The following HCFC1 variants were observed in gnomAD, a reference collection of about 807,000 sequenced individuals.
HCFC1 encodes host cell factor 1.
In HCFC1, 7 loss-of-function variants were observed where a neutral mutation model predicts 105.5. That is an observed-to-expected ratio of 0.07 (90% CI 0.04 to 0.12). The LOEUF is 0.12. Among genes scored for constraint, HCFC1 ranks in the 10% least tolerant of loss-of-function variants. The pLI is 1.00. For synonymous variants in HCFC1, 918 were observed against 828.1 expected (o/e 1.11, Z -1.86); for missense variants, 1,065 against 1,823.6 (o/e 0.58, Z 7.58).
chrX:153,963,896 C>T (rs2065452081), intron 3 of HCFC1, among the ~76,000 whole-genome samples: 1 of 111,909 alleles, frequency 8.9e-6, no homozygotes, highest in African/African-American at 3.2e-5. Flanking sequence ...TGGCTTCCAC[C>T]TCCAGCTTGG....
At chrX:153,958,983 G>A (rs1217796680) in intron 9 of HCFC1, among the ~76,000 whole-genome samples, 1 of 112,889 alleles carries the variant, frequency 8.9e-6, no homozygotes, top group African/African-American at 3.2e-5. Context: ...GTGGCAAGAG[G>A]CAGCTGGGAG....
chrX:153,951,513 G>C (rs782674465), intron 21 of HCFC1, 26 bp from the exon 22 acceptor site: 1 of 1,210,935 alleles, frequency 8.3e-7, no homozygotes, highest in Non-Finnish European at 1.1e-6. Context: ...GGTGCGACGA[G>C]ATCAGGCCCT....
chrX:153,958,863 C>T, intron 9 of HCFC1, 97 bp from the exon 10 acceptor site: 1 of 627,237 alleles, frequency 1.6e-6, no homozygotes, highest in Non-Finnish European at 2.3e-6. Context: ...CTGCCCTGCT[C>T]TTGGGAGCCT....
chrX:153,963,274 G>A lies in HCFC1; in HGVS notation c.663C>T (p.Tyr221=), dbSNP rs782109002. 5.0e-6 allele frequency: 6 copies of A among 1,209,485 alleles called. No individual in the cohort carries two copies. Among genetic ancestry groups the A allele is most frequent in the South Asian group, 1.8e-5 (1 of 56,811 alleles). ...CCAGCCTGCAGCCACTCATCCCGCC[G>A]TAGATCACCAGCTTGGACTTCTTAT... The part of the protein sequence containing the change: ...KDNKKSKLVI[Y]GGMSGCRLGD... The change falls in exon 4 of 26, where the codon TAC becomes TAT. Residue 221 remains tyrosine, a synonymous_variant. Coordinates refer to ENST00000310441, the MANE Select transcript of HCFC1 (RefSeq NM_005334.3).
chrX:153,950,151 G>A, intron 24 of HCFC1, 92 bp downstream of exon 24: 1 of 949,763 alleles, frequency 1.1e-6, no homozygotes, highest in Non-Finnish European at 1.4e-6. Flanking sequence ...CGCCGCACAT[G>A]GGAAAAAATC....
chrX:153,949,111 A>C lies in HCFC1; in HGVS notation c.*236T>G. ...GTGGGCGGCAGCGGGGAGGAAAGGA[A>C]GCGCGCTCCTCTCTCTGCTTTCCCA... is the stretch of plus-strand genomic sequence containing the variant. On this transcript the variant is annotated 3_prime_UTR_variant, in exon 26 of 26. Transcript: ENST00000310441. 6.8e-5 allele frequency: 21 copies of C among 309,588 alleles called. No individual in the cohort carries two copies. The highest frequency in any genetic ancestry group is 6.8e-5 in the South Asian group (1 of 14,769). The allele number at this position is 309,588 out of a possible 1,213,427, so 25.5% of individuals were successfully genotyped here.
intron 9 of HCFC1, 108 bp from the exon 10 acceptor site, chrX:153,958,874 C>T: frequency 1.7e-6 from 1 of 571,851 alleles, no homozygotes; most frequent in Non-Finnish European, 2.6e-6. Flanking sequence ...TTGGGAGCCT[C>T]ATCCCGCCAG....
rs1435459613 is a variant in HCFC1 at position 153,948,539 on chromosome X, C to T, written c.*808G>A. ...AAAAAAGAGAAAAGAAAAAAGATTA[C>T]ACATTCTGTACACAGCTAACAACAA... On this transcript the variant is annotated 3_prime_UTR_variant, in exon 26 of 26. Transcript: ENST00000310441. 1 of 112,992 alleles carries T rather than the reference C, an allele frequency of 8.9e-6. No individual in the cohort carries two copies. Among genetic ancestry groups the T allele is most frequent in the Non-Finnish European group, 1.9e-5 (1 of 53,297 alleles). The allele number at this position is 112,992 out of a possible 1,213,427, so 9.3% of individuals were successfully genotyped here. A position where few individuals can be genotyped will look rare whatever the true frequency, so the allele number is the denominator to read the frequency against.
At position 153,958,782 on chromosome X, in the gene HCFC1, G is replaced by A. The variant is rs782394122; in HGVS notation, c.1606-16C>T. On this transcript the variant is annotated splice_polypyrimidine_tract_variant and intron_variant, in intron 9 of 25. Transcript: ENST00000310441. ...TGCCAATCACCTGCAGCAGGCACGG[G>A]CATGTGAGGCCAGGTCACAGGTGCC... is the stretch of plus-strand genomic sequence containing the variant. 1.6e-5 allele frequency: 18 copies of A among 1,130,809 alleles called. No homozygotes were observed. The highest frequency in any genetic ancestry group is 2.0e-5 in the Non-Finnish European group (17 of 847,180). 93.2% of individuals were successfully genotyped at this position (1,130,809 alleles called of 1,213,427 possible).
At chrX:153,959,158 T>C (rs1223691550) in intron 9 of HCFC1, among the ~76,000 whole-genome samples, 173 bp downstream of exon 9, 1 of 113,064 alleles carries the variant, frequency 8.8e-6, no homozygotes, top group Non-Finnish European at 1.9e-5. Flanking sequence ...CATTAACCTA[T>C]TAATTCCCAC....
At chrX:153,959,230 TG>T in intron 9 of HCFC1, 100 bp downstream of exon 9, 1 of 888,232 alleles carries the variant, frequency 1.1e-6, no homozygotes, top group Non-Finnish European at 1.6e-6. Context: ...GTGGGGTGCG[TG>T]GTACCAGAGC....
intron 1 of HCFC1, among the ~76,000 whole-genome samples, chrX:153,966,782 G>A (rs1398124098): frequency 8.9e-6 from 1 of 112,468 alleles, no homozygotes; most frequent in Non-Finnish European, 1.9e-5. Flanking sequence ...TGTCCAGGCA[G>A]CCACCCTCAC....
Position 153,964,737 on chromosome X carries a change from GA to G in HCFC1, c.194-12del. The G allele has an allele frequency of 8.7e-7, 1 of 1,147,847 alleles. No homozygotes were observed. The highest frequency in any genetic ancestry group is 1.2e-6 in the Non-Finnish European group (1 of 861,861). The allele number at this position is 1,147,847 out of a possible 1,213,427, so 94.6% of individuals were successfully genotyped here. A position where few individuals can be genotyped will look rare whatever the true frequency, so the allele number is the denominator to read the frequency against. ...ACCACTGGTTGGTTGCTGGGGAACA[GA>G]AGGAGGCAGAAGTCAGAACACCCGG... On this transcript the variant is annotated splice_polypyrimidine_tract_variant and intron_variant, in intron 1 of 25. Coordinates refer to ENST00000310441, the MANE Select transcript of HCFC1 (RefSeq NM_005334.3).
In HCFC1 at chrX:153,955,133, T is replaced by G. The variant is rs782179164; in HGVS notation, c.3266A>C (p.Asn1089Thr). Residue 1089 changes from asparagine (N) to threonine (T), a missense_variant, in exon 17 of 26, where the codon AAC becomes ACC. Transcript: ENST00000310441. ...GTTGGAGGTGGCGGTGGTGGCGGTG[T>G]TGGTGGTGCCCGTCTCGTGGGTCTC... ...PCETHETGTT[N>T]TATTATSNMA... The G allele has an allele frequency of 2.5e-6, 3 of 1,209,847 alleles. No homozygotes were observed. Among genetic ancestry groups the G allele is most frequent in the Admixed American group, 2.2e-5 (1 of 45,856 alleles).
rs781825982 is a variant in HCFC1 at position 153,954,532 on chromosome X, G to A, written c.3867C>T (p.Cys1289=). 1.7e-6 allele frequency: 2 copies of A among 1,211,606 alleles called. No homozygotes were observed. Among genetic ancestry groups the A allele is most frequent in the South Asian group, 1.8e-5 (1 of 57,009 alleles). The change falls in exon 17 of 26, where the codon TGC becomes TGT. Residue 1289 remains cysteine (C), a synonymous_variant. Coordinates refer to ENST00000310441, the MANE Select transcript of HCFC1 (RefSeq NM_005334.3). Reference sequence around the variant, plus strand: ...CGTGGGTCTCACATGGTGGGTTGGAGCAGACTTGGGTCACGGTGGCCGAGG... The same window carrying A: ...CGTGGGTCTCACATGGTGGGTTGGAACAGACTTGGGTCACGGTGGCCGAGG... ...LCPSATVTQV[C]SNPPCETHET...
intron 2 of HCFC1, 33 bp from the exon 3 acceptor site, chrX:153,964,317 G>T: frequency 8.8e-7 from 1 of 1,131,977 alleles, no homozygotes; most frequent in Admixed American, 2.7e-5. Flanking sequence ...CTGAACCGTG[G>T]GATGAGAAGG....
intron 6 of HCFC1, among the ~76,000 whole-genome samples, chrX:153,960,813 C>A (rs1229071226): frequency 8.9e-6 from 1 of 112,622 alleles, no homozygotes; most frequent in African/African-American, 3.2e-5. Context: ...TATTTTCAGG[C>A]CCGCAGCAGC....
chrX:153,953,202 C>T (rs181294097), intron 18 of HCFC1: 139 of 443,546 alleles, frequency 3.1e-4, no homozygotes, highest in African/African-American at 3.1e-3. Context: ...AGTTTTCATT[C>T]TTGATGGGCC....
intron 13 of HCFC1, 34 bp from the exon 14 acceptor site, chrX:153,957,094 C>T (rs1557115245): frequency 2.5e-6 from 3 of 1,190,187 alleles, no homozygotes; most frequent in East Asian, 6.0e-5. Context: ...GGGAGACAGG[C>T]TCTGTGAGGG....
Sources: allele counts gnomAD v4.1 joint callset (sites outside exome capture counted in the v4.1 genomes callset), GRCh38; gene constraint gnomAD v4.1.1; transcripts MANE v1.5; gene names NCBI Gene and HGNC (gene_info 2026-07-23, HGNC 2026-07-21).